Variants in NEO1 observed in about 807,000 individuals in gnomAD.
The protein encoded by NEO1 is neogenin.
A neutral mutation model predicts 159.7 loss-of-function variants in NEO1; 63 were observed. That is an observed-to-expected ratio of 0.39 (90% confidence interval 0.32 to 0.49). NEO1 has a LOEUF of 0.49. Among genes scored for constraint, NEO1 ranks in the 20% least tolerant of loss-of-function variants. The pLI, the probability that NEO1 is intolerant of heterozygous loss-of-function variation, is 0.85. For synonymous variants in NEO1, 633 were observed against 662.0 expected, an observed-to-expected ratio of 0.96 and a Z score of 0.67; for missense variants, 1,615 against 1,831.0, an observed-to-expected ratio of 0.88 and a Z score of 2.15.
intron 3 of NEO1, among the ~76,000 whole-genome samples, chr15:73,124,762 T>C (rs1488992421): frequency 6.6e-6 from 1 of 152,192 alleles, no homozygotes; most frequent in Non-Finnish European, 1.5e-5. Flanking sequence ...CATATTACCA[T>C]CTGACATGTT....
intron 7 of NEO1, among the ~76,000 whole-genome samples, chr15:73,220,986 G>C (rs888572916): frequency 1.3e-5 from 2 of 152,206 alleles, no homozygotes; most frequent in Non-Finnish European, 2.9e-5. Flanking sequence ...GGTTCCTTTG[G>C]AGGAGGAGAG....
chr15:73,136,054 A>T, intron 5 of NEO1, 27 bp downstream of exon 5: 7 of 1,570,676 alleles, frequency 4.5e-6, no homozygotes, highest in South Asian at 3.6e-5. Context: ...TGTATAATTT[A>T]AAAATCCTGT....
chr15:73,244,804 A>G (rs1458601231), intron 9 of NEO1, among the ~76,000 whole-genome samples: 1 of 151,634 alleles, frequency 6.6e-6, no homozygotes, highest in Non-Finnish European at 1.5e-5. Flanking sequence ...TACAAAAATT[A>G]GCCGGGTATG....
At position 73,304,568 on chromosome 15, in the gene NEO1, T is replaced by G. The variant is rs1326200627; in HGVS notation, c.*1872T>G. ...GCAATGAAAGGTGCAATGCAGGAAC[T>G]GCTGCTGCCGAGCTCGCTGGTCACA... On this transcript the variant is annotated 3_prime_UTR_variant, in exon 29 of 29. Transcript: ENST00000261908. 3.3e-5 allele frequency: 5 copies of G among 152,282 alleles called. No homozygotes were observed. The highest frequency in any genetic ancestry group is 7.3e-5 in the Non-Finnish European group (5 of 68,078). The allele number at this position is 152,282 out of a possible 1,614,324, so 9.4% of individuals were successfully genotyped here.
intron 7 of NEO1, among the ~76,000 whole-genome samples, chr15:73,227,400 G>A (rs1453705722): frequency 1.3e-5 from 2 of 152,114 alleles, no homozygotes; most frequent in Admixed American, 6.5e-5. Flanking sequence ...GGAGGCTGAC[G>A]CAGGAGAATT....
chr15:73,163,429 T>C (rs777463904), intron 5 of NEO1, among the ~76,000 whole-genome samples: 6 of 152,204 alleles, frequency 3.9e-5, no homozygotes, highest in Admixed American at 1.3e-4. Context: ...TTAGTGTGTA[T>C]GCTTCCAGGT....
At chr15:73,151,653 T>A (rs1381980516) in intron 5 of NEO1, among the ~76,000 whole-genome samples, 1 of 152,110 alleles carries the variant, frequency 6.6e-6, no homozygotes, top group Non-Finnish European at 1.5e-5. Context: ...TATAAAACTA[T>A]CAGATCTCGT....
At chr15:73,119,242 CT>C (rs1234008398) in intron 2 of NEO1, among the ~76,000 whole-genome samples, 1 of 152,110 alleles carries the variant, frequency 6.6e-6, no homozygotes, top group East Asian at 1.9e-4. Context: ...AAATTATGTA[CT>C]TTAGATAGTG....
At chr15:73,255,668 C>T (rs1269388282) in intron 13 of NEO1, 1 of 152,254 alleles carries the variant, frequency 6.6e-6, no homozygotes, top group Admixed American at 6.5e-5. Context: ...ATCCTGCCGA[C>T]TCCTTTATTA....
At chr15:73,285,466 T>G (rs1287616192) in intron 23 of NEO1, among the ~76,000 whole-genome samples, 1 of 152,246 alleles carries the variant, frequency 6.6e-6, no homozygotes, top group African/African-American at 2.4e-5. Flanking sequence ...CCTACAGATT[T>G]GGGTCCCTTT....
At chr15:73,128,787 A>G (rs537148491) in intron 4 of NEO1, among the ~76,000 whole-genome samples, 16 of 152,324 alleles carry the variant, frequency 1.1e-4, no homozygotes, top group African/African-American at 3.6e-4. Context: ...TGAGTGGGCC[A>G]GGGTATGCAC....
At position 73,101,891 on chromosome 15, in the gene NEO1, CA is replaced by C. The variant is rs1467611542; in HGVS notation, c.131-14647del. Among the ~76,000 whole-genome samples, 20 of 152,214 alleles carry C rather than the reference CA, an allele frequency of 1.3e-4. No individual in the cohort carries two copies. In the South Asian group the frequency reaches 3.9e-3, roughly 30 times the overall value. ...TATTGCAAAGAATATAGAAGAAAACCAAGCTCATGTCGTCTTTATTTACCAA... is the reference window on the plus strand; with the variant it reads ...TATTGCAAAGAATATAGAAGAAAACCAGCTCATGTCGTCTTTATTTACCAA... On this transcript the variant is annotated intron_variant, in intron 1 of 28. Coordinates refer to ENST00000261908, the MANE Select transcript of NEO1 (RefSeq NM_002499.4).
intron 7 of NEO1, among the ~76,000 whole-genome samples, chr15:73,205,775 G>T (rs1377221712): frequency 6.6e-6 from 1 of 152,142 alleles, no homozygotes; most frequent in Non-Finnish European, 1.5e-5. Context: ...GTGAGTCCAG[G>T]AAAGTCATTC....
intron 2 of NEO1, among the ~76,000 whole-genome samples, chr15:73,120,143 A>AAATT (rs574582500): frequency 6.6e-6 from 1 of 151,930 alleles, no homozygotes; most frequent in Admixed American, 6.5e-5. Context: ...CTCATAAAAA[A>AAATT]AATTAATTAA....
Position 73,254,849 on chromosome 15 carries a change from G to A in NEO1, c.2092+20G>A. On this transcript the variant is annotated intron_variant, in intron 13 of 28. Transcript: ENST00000261908. ...TTGAAGGTAAGCTACCGTGCACAAA[G>A]GCAAAAGGTACACTGTGTCTTTCTC... 1.9e-6 allele frequency: 3 copies of A among 1,607,148 alleles called. No homozygotes were observed. Among genetic ancestry groups the A allele is most frequent in the Non-Finnish European group, 2.5e-6 (3 of 1,177,454 alleles).
At chr15:73,273,534 G>A (rs1321613737) in intron 19 of NEO1, among the ~76,000 whole-genome samples, 1 of 152,140 alleles carries the variant, frequency 6.6e-6, no homozygotes, top group African/African-American at 2.4e-5. Flanking sequence ...CCTTCTCAAT[G>A]TGGGGATTAA....
At chr15:73,052,831 G>A (rs1180323109) in intron 1 of NEO1, 26 bp downstream of exon 1, 2 of 598,914 alleles carry the variant, frequency 3.3e-6, no homozygotes, top group African/African-American at 2.0e-5. Context: ...GGGCCCGGGG[G>A]TTCGCGGGGG....
intron 5 of NEO1, among the ~76,000 whole-genome samples, chr15:73,146,909 G>A (rs1408546768): frequency 1.3e-5 from 2 of 152,220 alleles, no homozygotes; most frequent in South Asian, 2.1e-4. Flanking sequence ...TGTGATTTTT[G>A]TTACTAAAAT....
chr15:73,173,118 A>G (rs2035069299), intron 5 of NEO1, among the ~76,000 whole-genome samples: 1 of 152,210 alleles, frequency 6.6e-6, no homozygotes, highest in African/African-American at 2.4e-5. Context: ...AGAAAGACTC[A>G]CAGTTGCAAA....
Sources: allele counts gnomAD v4.1 joint callset (sites outside exome capture counted in the v4.1 genomes callset), GRCh38; gene constraint gnomAD v4.1.1; transcripts MANE v1.5; gene names NCBI Gene and HGNC (gene_info 2026-07-23, HGNC 2026-07-21).